Variants in ZNF804B observed in about 807,000 individuals in gnomAD.
ZNF804B encodes zinc finger 804B.
A neutral mutation model predicts 101.4 loss-of-function variants in ZNF804B; 80 were observed. That is an observed-to-expected ratio of 0.79 (90% confidence interval 0.66 to 0.95). The LOEUF (loss-of-function observed/expected upper bound fraction) is 0.95. Ranked by LOEUF, ZNF804B falls within the 40% of genes least tolerant of loss-of-function variation. The pLI is 0.00. For missense variants in ZNF804B, 1,673 were observed against 1,561.9 expected, an observed-to-expected ratio of 1.07 and a Z score of -1.20; for synonymous variants, 622 against 558.8, an observed-to-expected ratio of 1.11 and a Z score of -1.59.
chr7:89,171,324 T>C, intron 1 of ZNF804B, among the ~76,000 whole-genome samples: 1 of 128,818 alleles, frequency 7.8e-6, no homozygotes, highest in Non-Finnish European at 1.7e-5. Context: ...TTCTTCTTCT[T>C]CTTCTTCTTC....
chr7:89,273,474 C>T (rs982494104), intron 2 of ZNF804B, among the ~76,000 whole-genome samples: 12 of 152,070 alleles, frequency 7.9e-5, no homozygotes, highest in Non-Finnish European at 1.2e-4. Context: ...TTAAAGTGGT[C>T]AAGTTCTAAT....
chr7:88,966,403 C>T (rs2116101140), intron 1 of ZNF804B, among the ~76,000 whole-genome samples: 1 of 151,576 alleles, frequency 6.6e-6, no homozygotes, highest in East Asian at 2.0e-4. Context: ...CAAGAGTAGC[C>T]TGGGCCTCAC....
chr7:89,287,537 A>T (rs989244348), intron 2 of ZNF804B, among the ~76,000 whole-genome samples: 1 of 152,224 alleles, frequency 6.6e-6, no homozygotes, highest in Non-Finnish European at 1.5e-5. Context: ...GGACTATTAA[A>T]TAAACTAATG....
intron 1 of ZNF804B, among the ~76,000 whole-genome samples, chr7:88,983,627 A>G (rs1019519624): frequency 2.6e-5 from 4 of 152,122 alleles, no homozygotes; most frequent in African/African-American, 9.7e-5. Context: ...AAGGCAGCAT[A>G]TCACATTTAT....
At chr7:89,123,029 A>G (rs939219399) in intron 1 of ZNF804B, among the ~76,000 whole-genome samples, 2 of 152,048 alleles carry the variant, frequency 1.3e-5, no homozygotes, top group Non-Finnish European at 2.9e-5. Context: ...CCCTGACACC[A>G]TGATCCCGTG....
intron 1 of ZNF804B, among the ~76,000 whole-genome samples, chr7:89,158,656 A>G (rs1458559553): frequency 6.6e-6 from 1 of 152,180 alleles, no homozygotes; most frequent in Non-Finnish European, 1.5e-5. Context: ...GTTTATACTC[A>G]TTAAAGTATG....
intron 1 of ZNF804B, among the ~76,000 whole-genome samples, chr7:88,790,556 G>T (rs1790365829): frequency 6.6e-6 from 1 of 151,976 alleles, no homozygotes; most frequent in African/African-American, 2.4e-5. Context: ...GTCTGCTAAG[G>T]ATAATGCCCT....
chr7:88,835,034 G>A (rs375508999), intron 1 of ZNF804B, among the ~76,000 whole-genome samples: 5 of 151,728 alleles, frequency 3.3e-5, no homozygotes, highest in Middle Eastern at 6.8e-3. Flanking sequence ...TCCTACGAAC[G>A]GAACTGTAGT....
At position 89,115,904 on chromosome 7, in the gene ZNF804B, G is replaced by GGT. The variant is rs1554366109; in HGVS notation, c.109-102251_109-102250insGT. 2.7e-5 allele frequency among the ~76,000 whole-genome samples: 4 copies of GGT among 146,118 alleles called. No individual in the cohort carries two copies. In the East Asian group the frequency reaches 6.1e-4, roughly 22 times the overall value. On this transcript the variant is annotated intron_variant, in intron 1 of 3. Coordinates refer to ENST00000333190, the MANE Select transcript of ZNF804B (RefSeq NM_181646.5). ...TATTTAAAGGTCAACAGGTTTTTTT[G>GGT]TTTTTTTTTTTCTTTTTTTTGACAA...
In ZNF804B at chr7:88,896,696, CA is replaced by C. The variant is rs556134976; in HGVS notation, c.108+136613del. ...GTTTCTCTGGGAGGTAATACTTAAT[CA>C]TTTGGCCAAATAAATAATTGGAATG... On this transcript the variant is annotated intron_variant, in intron 1 of 3. Transcript: ENST00000333190. Among the ~76,000 whole-genome samples, 223 of 152,192 alleles carry C rather than the reference CA, an allele frequency of 1.5e-3. 1 individual carries two copies. Among genetic ancestry groups the C allele is most frequent in the East Asian group, 3.9e-3 (20 of 5,182 alleles).
intron 1 of ZNF804B, among the ~76,000 whole-genome samples, chr7:88,899,053 T>C (rs1395212273): frequency 6.6e-6 from 1 of 152,152 alleles, no homozygotes; most frequent in Non-Finnish European, 1.5e-5. Flanking sequence ...TTTTGGTGAG[T>C]TCCATTTTAG....
At chr7:88,839,834 T>C (rs1232464307) in intron 1 of ZNF804B, among the ~76,000 whole-genome samples, 2 of 151,920 alleles carry the variant, frequency 1.3e-5, no homozygotes, top group Non-Finnish European at 2.9e-5. Flanking sequence ...CCTCACAGGA[T>C]AGTCAGGAGG....
At chr7:89,090,280 A>G (rs1789863708) in intron 1 of ZNF804B, among the ~76,000 whole-genome samples, 1 of 152,058 alleles carries the variant, frequency 6.6e-6, no homozygotes, top group Admixed American at 6.6e-5. Flanking sequence ...GGTTCCTGGA[A>G]TGCAGTAGAT....
chr7:88,796,198 T>C (rs1296548492), intron 1 of ZNF804B, among the ~76,000 whole-genome samples: 8 of 152,082 alleles, frequency 5.3e-5, no homozygotes, highest in Admixed American at 2.6e-4. Flanking sequence ...TAAACAGTAA[T>C]TTTAAAACAA....
At chr7:88,866,109 C>T (rs1400047127) in intron 1 of ZNF804B, among the ~76,000 whole-genome samples, 1 of 152,120 alleles carries the variant, frequency 6.6e-6, no homozygotes, top group African/African-American at 2.4e-5. Flanking sequence ...GAATAGGCGA[C>T]TGACCAGAAG....
At chr7:88,799,997 T>A (rs1471528993) in intron 1 of ZNF804B, among the ~76,000 whole-genome samples, 1 of 152,068 alleles carries the variant, frequency 6.6e-6, no homozygotes, top group African/African-American at 2.4e-5. Flanking sequence ...TTGATTTCCA[T>A]CTGGAATACC....
At chr7:88,902,765 G>A (rs141992046) in intron 1 of ZNF804B, among the ~76,000 whole-genome samples, 4 of 152,030 alleles carry the variant, frequency 2.6e-5, no homozygotes, top group African/African-American at 9.6e-5. Flanking sequence ...GCATAAAACT[G>A]TGCCTACATT....
intron 1 of ZNF804B, among the ~76,000 whole-genome samples, chr7:88,784,991 T>G (rs1420884930): frequency 2.0e-5 from 3 of 152,150 alleles, no homozygotes; most frequent in Non-Finnish European, 4.4e-5. Flanking sequence ...TTCTATATAT[T>G]TGTGTGGGTA....
intron 1 of ZNF804B, among the ~76,000 whole-genome samples, chr7:89,010,169 T>C (rs1386026419): frequency 6.6e-6 from 1 of 152,178 alleles, no homozygotes; most frequent in Non-Finnish European, 1.5e-5. Flanking sequence ...ATACTAATAA[T>C]ACATTGCGAA....
Sources: gnomAD v4.1 joint callset for allele counts (sites outside exome capture counted in the v4.1 genomes callset) on GRCh38, gnomAD v4.1.1 for gene constraint, MANE v1.5 for transcripts, NCBI Gene and HGNC (gene_info 2026-07-23, HGNC 2026-07-21) for gene names.